The following HLTF variants were observed in gnomAD, a reference collection of about 807,000 sequenced individuals.
HLTF encodes the protein helicase like transcription factor, also known as DNA-dependent ATPase/E3 ubiquitin-protein ligase HLTF.
Under a neutral mutation model 129.4 loss-of-function variants are expected in HLTF, and 127 were observed. The ratio of observed to expected loss-of-function variants is 0.98; its 90% CI spans 0.85 to 1.14. The LOEUF (loss-of-function observed/expected upper bound fraction) is 1.14. Among genes scored for constraint, HLTF ranks in the 50% most tolerant of loss-of-function variants. HLTF has a pLI of 0.00. For synonymous variants in HLTF, 332 were observed against 388.8 expected (o/e 0.85, Z 1.72); for missense variants, 1,139 against 1,187.1 (o/e 0.96, Z 0.60).
chr3:149,055,374 T>C lies in HLTF; in HGVS notation c.1402A>G (p.Lys468Glu). ...CTTGGTCTCTCCTCAACATCAGTTT[T>C]CTTTGACCCCTCCACTGCACAAGCT... ...KGACAVEGSK[K>E]TDVEERPRTT... is the part of the protein sequence containing the mutation. The change falls in exon 14 of 25, where the codon AAA becomes GAA. Residue 468 changes from lysine (K) to glutamate (E), a missense_variant. Lys to Glu is a moderately conservative substitution (Grantham distance 56). Coordinates refer to ENST00000310053, the MANE Select transcript of HLTF (RefSeq NM_003071.4). 1 of 1,613,826 alleles carries C rather than the reference T, an allele frequency of 6.2e-7. No individual in the cohort carries two copies. The highest frequency in any genetic ancestry group is 1.3e-5 in the African/African-American group (1 of 75,048).
At chr3:149,059,908 T>G in intron 12 of HLTF, 101 bp from the exon 13 acceptor site, 1 of 733,020 alleles carries the variant, frequency 1.4e-6, no homozygotes, top group Non-Finnish European at 2.3e-6. Context: ...ATTTTCACCC[T>G]CTATTGTAAG....
At chr3:149,080,077 G>A (rs1719740730) in intron 2 of HLTF, among the ~76,000 whole-genome samples, 1 of 151,930 alleles carries the variant, frequency 6.6e-6, no homozygotes, top group Non-Finnish European at 1.5e-5. Context: ...ATGAGTATTG[G>A]AGGCCAGACC....
intron 18 of HLTF, among the ~76,000 whole-genome samples, chr3:149,042,630 G>C (rs763168134): frequency 2.6e-5 from 4 of 152,048 alleles, no homozygotes; most frequent in Admixed American, 6.6e-5. Context: ...AACAGGAACA[G>C]GGTGCATGCT....
At chr3:149,047,118 T>C (rs1018660987) in intron 17 of HLTF, among the ~76,000 whole-genome samples, 3 of 152,224 alleles carry the variant, frequency 2.0e-5, no homozygotes, top group Non-Finnish European at 4.4e-5. Context: ...TTTTAAATGC[T>C]GGCTACCACC....
intron 8 of HLTF, among the ~76,000 whole-genome samples, chr3:149,067,195 T>TAC (rs955114105): frequency 1.5e-4 from 22 of 150,414 alleles, no homozygotes; most frequent in East Asian, 3.9e-4. Flanking sequence ...TGTATATATA[T>TAC]ACACACACAC....
At position 149,084,813 on chromosome 3, in the gene HLTF, A is replaced by C. The variant is rs759681955; in HGVS notation, c.97T>G (p.Phe33Val). 6.2e-7 allele frequency: 1 copy of C among 1,614,150 alleles called. No individual in the cohort carries two copies. Among genetic ancestry groups the C allele is most frequent in the Non-Finnish European group, 8.5e-7 (1 of 1,179,976 alleles). ...GNFPRLSYPT[F>V]FPRFEFQDVI... ...TCTTGGAATTCAAAACGTGGAAAGA[A>C]AGTTGGATATGAGAGGCGTGGAAAA... is the stretch of plus-strand genomic sequence containing the variant. The change falls in exon 2 of 25, where the codon TTC becomes GTC. Residue 33 changes from phenylalanine (F) to valine (V), a missense_variant. Coordinates refer to ENST00000310053, the MANE Select transcript of HLTF (RefSeq NM_003071.4).
chr3:149,078,268 G>A (rs1483188640), intron 2 of HLTF, among the ~76,000 whole-genome samples: 1 of 152,196 alleles, frequency 6.6e-6, no homozygotes, highest in African/African-American at 2.4e-5. Context: ...CAAAGGGGCT[G>A]GGCATGGTGG....
At position 149,037,582 on chromosome 3, in the gene HLTF, C is replaced by G. The variant is rs755345751; in HGVS notation, c.2796+1467G>C. ...GTTATAATCTTACTGAGAAGGATAC[C>G]GTCAGTTGAGGGAGGAAAAAGGAAG... On this transcript the variant is annotated intron_variant, in intron 23 of 24. Coordinates refer to ENST00000310053, the MANE Select transcript of HLTF (RefSeq NM_003071.4). Among the ~76,000 whole-genome samples the G allele has an allele frequency of 5.1e-4, 78 of 151,990 alleles. 1 individual carries two copies. The highest frequency in any genetic ancestry group is 9.4e-4 in the Non-Finnish European group (64 of 67,984).
chr3:149,058,489 G>A lies in HLTF; in HGVS notation c.1375+1229C>T, dbSNP rs369343569. ...CCTTTGACTATTCTCCTATTGGGTG[G>A]TCTTTTTCCAATTGTTTGGAAAGTT... On this transcript the variant is annotated intron_variant, in intron 13 of 24. Transcript: ENST00000310053. Among the ~76,000 whole-genome samples, 37 of 152,224 alleles carry A rather than the reference G, an allele frequency of 2.4e-4. 1 individual carries two copies. Among genetic ancestry groups the A allele is most frequent in the African/African-American group, 8.9e-4 (37 of 41,530 alleles).
chr3:149,076,012 A>G lies in HLTF; in HGVS notation c.264T>C (p.Asp88=), dbSNP rs774998250. The G allele has an allele frequency of 2.0e-6, 3 of 1,499,250 alleles. No homozygotes were observed. The Admixed American group carries it at 5.2e-5, about 26-fold the overall frequency. The allele number at this position is 1,499,250 out of a possible 1,614,324, so 92.9% of individuals were successfully genotyped here. The part of the protein sequence containing the change: ...NNNEMVALQR[D]PNNPYDKNAI... ...CATTCTTATCATAAGGGTTATTAGG[A>G]TCTCGTTGTAATGCAACCATTTCAT... Residue 88 remains aspartate (D), a synonymous_variant, in exon 3 of 25, where the codon GAT becomes GAC. Coordinates refer to ENST00000310053, the MANE Select transcript of HLTF (RefSeq NM_003071.4).
At chr3:149,032,414 A>G (rs760871654) in intron 24 of HLTF, 42 bp from the exon 25 acceptor site, 1 of 1,227,914 alleles carries the variant, frequency 8.1e-7, no homozygotes, top group African/African-American at 1.6e-5. Context: ...TTTAAGGCAT[A>G]GTATTTAAAA....
chr3:149,048,889 T>A lies in HLTF; in HGVS notation c.1730A>T (p.Glu577Val). Reference sequence around the variant, plus strand: ...TGTCAAAACCCATCTTCTTTCTGATTCTAAGTCAAGTACAGCTTTTGTCTG... The same window carrying A: ...TGTCAAAACCCATCTTCTTTCTGATACTAAGTCAAGTACAGCTTTTGTCTG... ...AQQTKAVLDL[E>V]SERRWVLTGT... The change falls in exon 16 of 25, where the codon GAA (glutamate) becomes GTA (valine). Residue 577 changes from glutamate to valine, a missense_variant. Coordinates refer to ENST00000310053, the MANE Select transcript of HLTF (RefSeq NM_003071.4). The A allele has an allele frequency of 6.2e-7, 1 of 1,613,586 alleles. No homozygotes were observed. Among genetic ancestry groups the A allele is most frequent in the Non-Finnish European group, 8.5e-7 (1 of 1,179,592 alleles).
chr3:149,040,198 GAACA>G (rs1559856224), intron 20 of HLTF, 42 bp from the exon 21 acceptor site: 1 of 1,560,098 alleles, frequency 6.4e-7, no homozygotes, highest in South Asian at 1.2e-5. Context: ...CTTAACAGAA[GAACA>G]AATATAAATA....
At chr3:149,065,528 A>T (rs954551481) in intron 8 of HLTF, among the ~76,000 whole-genome samples, 7 of 152,202 alleles carry the variant, frequency 4.6e-5, no homozygotes, top group African/African-American at 1.7e-4. Context: ...ATCCTCTTTA[A>T]AGGTACCAAT....
intron 24 of HLTF, among the ~76,000 whole-genome samples, chr3:149,033,929 G>A (rs1466155276): frequency 6.6e-6 from 1 of 152,048 alleles, no homozygotes; most frequent in African/African-American, 2.4e-5. Context: ...TTAAAGACAA[G>A]GAAGAGTATG....
intron 24 of HLTF, among the ~76,000 whole-genome samples, chr3:149,032,717 C>T (rs1715205212): frequency 6.6e-6 from 1 of 152,114 alleles, no homozygotes; most frequent in African/African-American, 2.4e-5. Flanking sequence ...AATCCCAGCA[C>T]TTTGGGAGGC....
At chr3:149,047,336 C>T (rs1716625091) in intron 17 of HLTF, among the ~76,000 whole-genome samples, 1 of 152,132 alleles carries the variant, frequency 6.6e-6, no homozygotes, top group African/African-American at 2.4e-5. Flanking sequence ...TACCTCACAT[C>T]ATTCACTATA....
intron 1 of HLTF, 88 bp from the exon 2 acceptor site, chr3:149,084,977 G>A (rs1229098778): frequency 9.1e-6 from 8 of 883,256 alleles, no homozygotes; most frequent in East Asian, 2.6e-5. Flanking sequence ...CTTTACTTCA[G>A]CAAATGAAAT....
chr3:149,062,308 T>C (rs1439799100), intron 10 of HLTF, among the ~76,000 whole-genome samples: 1 of 144,258 alleles, frequency 6.9e-6, no homozygotes, highest in Non-Finnish European at 1.5e-5. Flanking sequence ...ATTAACAGTG[T>C]TGTGTTACCC....
Sources: allele counts gnomAD v4.1 joint callset (sites outside exome capture counted in the v4.1 genomes callset), GRCh38; gene constraint gnomAD v4.1.1; transcripts MANE v1.5; gene names NCBI Gene and HGNC (gene_info 2026-07-23, HGNC 2026-07-21).